The following PSMD9 variants were observed in gnomAD, a reference collection of about 807,000 sequenced individuals.
The protein encoded by PSMD9 is proteasome 26S subunit, non-ATPase 9, also known as 26S proteasome non-ATPase regulatory subunit 9.
In PSMD9, 26 loss-of-function variants were observed where a neutral mutation model predicts 25.9. The ratio of observed to expected loss-of-function variants is 1.00; its 90% CI spans 0.73 to 1.39. The LOEUF is 1.39. Among genes scored for constraint, PSMD9 ranks in the 40% most tolerant of loss-of-function variants. PSMD9 has a pLI of 0.00. For missense variants in PSMD9, 303 were observed against 299.3 expected (o/e 1.01, Z -0.09); for synonymous variants, 110 against 114.5 (o/e 0.96, Z 0.25).
chr12:121,904,234 C>G (rs1042144230), intron 4 of PSMD9, among the ~76,000 whole-genome samples: 2 of 148,232 alleles, frequency 1.3e-5, no homozygotes, highest in Non-Finnish European at 3.0e-5. Flanking sequence ...GCTTATGGCT[C>G]TTGCATTTTG....
intron 3 of PSMD9, among the ~76,000 whole-genome samples, chr12:121,901,828 A>G (rs1341717773): frequency 1.3e-5 from 2 of 151,876 alleles, no homozygotes; most frequent in African/African-American, 4.8e-5. Context: ...GGCGCCTGCC[A>G]TCACGTCCAG....
rs201710683 is a variant in PSMD9 at position 121,894,819 on chromosome 12, C to T, written c.219C>T (p.Arg73=). 3.1e-6 allele frequency: 5 copies of T among 1,613,692 alleles called. No individual in the cohort carries two copies. The East Asian group carries it at 8.9e-5, about 29-fold the overall frequency. ...CAGACGTGGACCTGTACCAAGTCCG[C>T]ACCGCCAGGCACAACATCATATGTG... is the stretch of plus-strand genomic sequence containing the variant. ...PRSDVDLYQV[R]TARHNIICLQ... The change falls in exon 2 of 6, where the codon CGC becomes CGT. Residue 73 remains arginine, a synonymous_variant. Coordinates refer to ENST00000541212, the MANE Select transcript of PSMD9 (RefSeq NM_002813.7).
At chr12:121,892,557 C>T (rs1346023496) in intron 1 of PSMD9, among the ~76,000 whole-genome samples, 8 of 151,964 alleles carry the variant, frequency 5.3e-5, no homozygotes, top group East Asian at 1.9e-4. Context: ...AAAAATTAGC[C>T]GGGTGTGGTG....
In PSMD9 at chr12:121,915,883, A is replaced by C. The variant is rs954424218; in HGVS notation, c.583A>C (p.Arg195=). The C allele has an allele frequency of 5.0e-6, 8 of 1,613,628 alleles. No individual in the cohort carries two copies. The highest frequency in any genetic ancestry group is 1.7e-5 in the Admixed American group (1 of 59,902). Residue 195 remains arginine, a synonymous_variant, in exon 5 of 6, where the codon AGG becomes CGG. Coordinates refer to ENST00000541212, the MANE Select transcript of PSMD9 (RefSeq NM_002813.7). ...GCCCCTGAATGTGACAGTGATCCGC[A>C]GGGGGGAAAAACACCAGCTTAGACT... ...GKPLNVTVIR[R]GEKHQLRLVP...
At chr12:121,897,140 A>G (rs1389853115) in intron 2 of PSMD9, 1 of 152,178 alleles carries the variant, frequency 6.6e-6, no homozygotes, top group Non-Finnish European at 1.5e-5. Flanking sequence ...CATGCCTGTA[A>G]TCCCAGCACT....
rs1263944755 is a variant in PSMD9 at position 121,917,411 on chromosome 12, C to T, written c.*1100C>T. The T allele has an allele frequency of 2.6e-5, 4 of 152,216 alleles. No homozygotes were observed. Among genetic ancestry groups the T allele is most frequent in the Non-Finnish European group, 5.9e-5 (4 of 68,040 alleles). The allele number at this position is 152,216 out of a possible 1,614,324, so 9.4% of individuals were successfully genotyped here. ...AGACCTCTTGAAAATGCTTATTCTT[C>T]CTCCCTTTTATTTTTTGTCTCTTTT... On this transcript the variant is annotated 3_prime_UTR_variant, in exon 6 of 6. Transcript: ENST00000541212.
intron 4 of PSMD9, among the ~76,000 whole-genome samples, chr12:121,911,185 G>A (rs533051220): frequency 2.6e-5 from 4 of 152,194 alleles, no homozygotes; most frequent in Admixed American, 6.6e-5. Flanking sequence ...GACTACAGGC[G>A]TATGCCACCA....
chr12:121,904,271 T>C (rs1879487193), intron 4 of PSMD9, among the ~76,000 whole-genome samples: 1 of 152,008 alleles, frequency 6.6e-6, no homozygotes, highest in Non-Finnish European at 1.5e-5. Context: ...TTCTTTTTTT[T>C]TTTTTTAATT....
At chr12:121,907,124 C>T (rs1450394821) in intron 4 of PSMD9, among the ~76,000 whole-genome samples, 1 of 151,968 alleles carries the variant, frequency 6.6e-6, no homozygotes, top group Non-Finnish European at 1.5e-5. Context: ...GGCTGGAGTG[C>T]AATGGCATGA....
chr12:121,901,022 G>A lies in PSMD9; in HGVS notation c.453+1177G>A, dbSNP rs1288580599. Among the ~76,000 whole-genome samples, 11 of 148,446 alleles carry A rather than the reference G, an allele frequency of 7.4e-5. No homozygotes were observed. In the Admixed American group the frequency reaches 7.4e-4, roughly 10 times the overall value. On this transcript the variant is annotated intron_variant, in intron 3 of 5. Coordinates refer to ENST00000541212, the MANE Select transcript of PSMD9 (RefSeq NM_002813.7). ...AAAAAAAAAAAGGAGATGGGGTTTC[G>A]CTCTGTTGCGTAGGTTGGTCTCCAT...
At chr12:121,907,129 G>T (rs1879584189) in intron 4 of PSMD9, among the ~76,000 whole-genome samples, 3 of 151,916 alleles carry the variant, frequency 2.0e-5, no homozygotes, top group Admixed American at 2.0e-4. Context: ...GAGTGCAATG[G>T]CATGATCTCA....
In PSMD9 at chr12:121,894,765, G is replaced by T. The variant is rs367872241; in HGVS notation, c.165G>T (p.Pro55=). Reference sequence around the variant, plus strand: ...AAAAAGGCATTGGGATGAACGAGCCGCTGGTGGACTGTGAGGGCTACCCCC... The same window carrying T: ...AAAAAGGCATTGGGATGAACGAGCCTCTGGTGGACTGTGAGGGCTACCCCC... ...ESQKGIGMNE[P]LVDCEGYPRS... The change falls in exon 2 of 6, where the codon CCG becomes CCT. Residue 55 remains proline (P), a synonymous_variant. Transcript: ENST00000541212. 2 of 1,614,090 alleles carry T rather than the reference G, an allele frequency of 1.2e-6. No individual in the cohort carries two copies. The highest frequency in any genetic ancestry group is 1.1e-5 in the South Asian group (1 of 91,072).
chr12:121,918,262 C>T lies in PSMD9; in HGVS notation c.*1951C>T, dbSNP rs1210552219. The T allele has an allele frequency of 2.7e-5, 4 of 148,500 alleles. No individual in the cohort carries two copies. Among genetic ancestry groups the T allele is most frequent in the Admixed American group, 2.0e-4 (3 of 15,168 alleles). 9.2% of individuals were successfully genotyped at this position (148,500 alleles called of 1,614,324 possible). On this transcript the variant is annotated 3_prime_UTR_variant, in exon 6 of 6. Transcript: ENST00000541212. The surrounding 1 kb of genome is among the most constrained non-coding windows in gnomAD (Gnocchi z 4.3). ...ACGGTTGTGTGCTGCATCCATGAGA[C>T]CTGGAAATTCAGTTTGCTTTTGGAA...
intron 1 of PSMD9, among the ~76,000 whole-genome samples, chr12:121,890,655 A>G (rs928882138): frequency 6.6e-6 from 1 of 151,886 alleles, no homozygotes; most frequent in Non-Finnish European, 1.5e-5. Flanking sequence ...TTTTGTAGCT[A>G]TGGGGTCTCA....
At chr12:121,896,017 A>T (rs553750582) in intron 2 of PSMD9, among the ~76,000 whole-genome samples, 11 of 150,440 alleles carry the variant, frequency 7.3e-5, no homozygotes, top group Non-Finnish European at 5.9e-5. Context: ...TTATTTATTT[A>T]TTTTTTGAGA....
At chr12:121,895,652 C>T (rs566075760) in intron 2 of PSMD9, among the ~76,000 whole-genome samples, 8 of 152,260 alleles carry the variant, frequency 5.3e-5, no homozygotes, top group South Asian at 4.1e-4. Flanking sequence ...AGCCAGCAGT[C>T]GCATTTCCCT....
chr12:121,899,378 C>T (rs569162572), intron 2 of PSMD9: 35 of 476,728 alleles, frequency 7.3e-5, no homozygotes, highest in Middle Eastern at 1.1e-3. Flanking sequence ...CCTAGACTAG[C>T]GAGGGCAGAC....
chr12:121,909,298 C>T (rs1026423552), intron 4 of PSMD9, among the ~76,000 whole-genome samples: 1 of 150,484 alleles, frequency 6.6e-6, no homozygotes, highest in Non-Finnish European at 1.5e-5. Flanking sequence ...TGGGTGCATG[C>T]GTCTACAGCC....
intron 2 of PSMD9, among the ~76,000 whole-genome samples, chr12:121,896,385 A>C (rs1031813486): frequency 1.3e-5 from 2 of 152,032 alleles, no homozygotes; most frequent in Non-Finnish European, 2.9e-5. Flanking sequence ...CAGGAGAATC[A>C]CTTGAACCCA....
Sources: allele counts gnomAD v4.1 joint callset (sites outside exome capture counted in the v4.1 genomes callset), GRCh38; gene constraint gnomAD v4.1.1; non-coding constraint Gnocchi (gnomAD v3.1); transcripts MANE v1.5; gene names NCBI Gene and HGNC (gene_info 2026-07-23, HGNC 2026-07-21).